Variants in COL13A1 observed in about 807,000 individuals in gnomAD.
The protein encoded by COL13A1 is collagen alpha-1(XIII) chain.
COL13A1 carries 89 observed loss-of-function variants against 130.9 expected under a neutral mutation model. That is an observed-to-expected ratio of 0.68 (90% CI 0.57 to 0.81). COL13A1 has a LOEUF of 0.81. Among genes scored for constraint, COL13A1 ranks in the 30% least tolerant of loss-of-function variants. COL13A1 has a pLI of 0.00. For synonymous variants in COL13A1, 402 were observed against 341.6 expected (o/e 1.18, Z -1.95); for missense variants, 879 against 934.6 (o/e 0.94, Z 0.78).
In COL13A1 at chr10:69,922,778, G is replaced by T; in HGVS notation, c.1214G>T (p.Gly405Val). The change falls in exon 23 of 41, where the codon GGG (glycine) becomes GTG (valine). Residue 405 changes from glycine to valine, a missense_variant. By Grantham distance (109) the Gly-to-Val change is moderately radical (BLOSUM62 -3). Around this residue, in one of 3 missense-constraint regions of COL13A1, gnomAD observed 715 missense variants for 721.0 expected, o/e 0.99. Transcript: ENST00000645393. Reference protein sequence around the residue: ...RGEPGPPGLPGPPGPKGEAGV... With the variant: ...RGEPGPPGLPVPPGPKGEAGV... Reference sequence around the variant, plus strand: ...GAACCTGGCCCTCCAGGGCTCCCTGGGCCCCCAGGGCCAAAGGTGAGTGTT... The same window carrying T: ...GAACCTGGCCCTCCAGGGCTCCCTGTGCCCCCAGGGCCAAAGGTGAGTGTT... 6.3e-7 allele frequency: 1 copy of T among 1,591,108 alleles called. No homozygotes were observed. Among genetic ancestry groups the T allele is most frequent in the East Asian group, 2.3e-5 (1 of 44,102 alleles).
At chr10:69,811,407 T>C (rs1434514155) in intron 1 of COL13A1, among the ~76,000 whole-genome samples, 1 of 152,182 alleles carries the variant, frequency 6.6e-6, no homozygotes, top group Non-Finnish European at 1.5e-5. Flanking sequence ...TAAGGTGGCC[T>C]GTAGGGCAGG....
chr10:69,902,937 C>T, intron 15 of COL13A1, 82 bp downstream of exon 15: 1 of 1,137,754 alleles, frequency 8.8e-7, no homozygotes, highest in Non-Finnish European at 1.2e-6. Context: ...GGCAGTGGGT[C>T]CCCTACAAAA....
chr10:69,919,171 T>G, intron 20 of COL13A1, 83 bp downstream of exon 20: 12 of 1,579,400 alleles, frequency 7.6e-6, no homozygotes, highest in Middle Eastern at 1.8e-4. Context: ...TGTTTTGCTC[T>G]TGGTCCCCCT....
At chr10:69,842,215 T>C (rs188295461) in intron 2 of COL13A1, among the ~76,000 whole-genome samples, 39 of 152,336 alleles carry the variant, frequency 2.6e-4, no homozygotes, top group Admixed American at 4.6e-4. Context: ...GAAGCTTTCA[T>C]AAGGGGAAAC....
chr10:69,908,502 G>A (rs1197470994), intron 17 of COL13A1, among the ~76,000 whole-genome samples: 3 of 152,170 alleles, frequency 2.0e-5, no homozygotes, highest in Non-Finnish European at 4.4e-5. Flanking sequence ...GGGTCTCCAG[G>A]CATCACGGCG....
At chr10:69,879,234 C>A (rs898608209) in intron 6 of COL13A1, among the ~76,000 whole-genome samples, 1 of 152,184 alleles carries the variant, frequency 6.6e-6, no homozygotes, top group Admixed American at 6.5e-5. Flanking sequence ...GCTATTCTGT[C>A]CTCATATTGG....
chr10:69,922,630 C>T, intron 22 of COL13A1, 78 bp from the exon 23 acceptor site: 7 of 1,024,152 alleles, frequency 6.8e-6, no homozygotes, highest in South Asian at 1.9e-5. Context: ...CTGGGGCCCA[C>T]ACCCCATAGT....
At chr10:69,841,872 G>A (rs767019160) in intron 2 of COL13A1, among the ~76,000 whole-genome samples, 11 of 152,180 alleles carry the variant, frequency 7.2e-5, no homozygotes, top group Non-Finnish European at 1.6e-4. Flanking sequence ...GTGTGGCCTG[G>A]GCAGGGAGCT....
At chr10:69,867,690 A>G in intron 2 of COL13A1, 108 bp from the exon 3 acceptor site, 1 of 683,668 alleles carries the variant, frequency 1.5e-6, no homozygotes, top group Middle Eastern at 2.4e-4. Flanking sequence ...CGAAGACCAG[A>G]TGGAAACCCC....
intron 17 of COL13A1, among the ~76,000 whole-genome samples, chr10:69,906,352 T>C (rs2062751537): frequency 6.6e-6 from 1 of 152,186 alleles, no homozygotes; most frequent in Non-Finnish European, 1.5e-5. Flanking sequence ...TAATCTCACC[T>C]GGGCTCACTC....
Position 69,802,286 on chromosome 10 carries a change from G to A in COL13A1, c.-138G>A. The A allele has an allele frequency of 9.5e-7, 1 of 1,051,108 alleles. No homozygotes were observed. The highest frequency in any genetic ancestry group is 1.3e-6 in the Non-Finnish European group (1 of 793,186). 65.1% of individuals were successfully genotyped at this position (1,051,108 alleles called of 1,614,324 possible). A position where few individuals can be genotyped will look rare whatever the true frequency, so the allele number is the denominator to read the frequency against. ...TGCTAATTTTTCCGTCCTCTTTGCC[G>A]GGAGCAGCGGAAAGGGACGTTTTCC... On this transcript the variant is annotated 5_prime_UTR_variant, in exon 1 of 41. Transcript: ENST00000645393.
intron 21 of COL13A1, among the ~76,000 whole-genome samples, chr10:69,920,647 A>T (rs2064531446): frequency 6.6e-6 from 1 of 152,220 alleles, no homozygotes; most frequent in Admixed American, 6.5e-5. Flanking sequence ...AAGCTGTCAT[A>T]TTCAAGGCAG....
chr10:69,939,968 G>A (rs1337215318), intron 34 of COL13A1, among the ~76,000 whole-genome samples: 1 of 152,184 alleles, frequency 6.6e-6, no homozygotes, highest in African/African-American at 2.4e-5. Context: ...TTCTGAGGCT[G>A]AGGCTCAGTT....
intron 30 of COL13A1, chr10:69,931,110 C>T (rs999778809): frequency 4.4e-6 from 2 of 455,026 alleles, no homozygotes; most frequent in African/African-American, 2.0e-5. Flanking sequence ...TGGTCACACT[C>T]AGCAAGACCA....
chr10:69,929,972 C>T, intron 28 of COL13A1, 71 bp from the exon 29 acceptor site: 2 of 1,332,086 alleles, frequency 1.5e-6, no homozygotes, highest in African/African-American at 1.4e-5. Context: ...GCCGGGTGCA[C>T]TAAGCAATGC....
At chr10:69,858,134 A>AAAAAAAAAAAAAAAG in intron 2 of COL13A1, among the ~76,000 whole-genome samples, 1 of 151,142 alleles carries the variant, frequency 6.6e-6, no homozygotes, top group African/African-American at 2.4e-5. Flanking sequence ...AAAAAAAAAA[A>AAAAAAAAAAAAAAAG]AGATTGGTGC....
intron 38 of COL13A1, among the ~76,000 whole-genome samples, chr10:69,949,950 G>GTGTGTGTGTGTGTGCA (rs1491413744): frequency 8.7e-4 from 93 of 107,494 alleles, no homozygotes; most frequent in African/African-American, 1.2e-3. Flanking sequence ...GTGTGTGTGC[G>GTGTGTGTGTGTGTGCA]TGTGTTTGTG....
chr10:69,930,268 C>G, intron 29 of COL13A1, 132 bp from the exon 30 acceptor site: 2 of 1,083,046 alleles, frequency 1.8e-6, no homozygotes, highest in South Asian at 3.3e-5. Flanking sequence ...CAGGCAGACC[C>G]AGGCTGGGCT....
At chr10:69,845,119 G>GCCT (rs914933255) in intron 2 of COL13A1, among the ~76,000 whole-genome samples, 1 of 152,028 alleles carries the variant, frequency 6.6e-6, no homozygotes. Flanking sequence ...CCCTCAAGAT[G>GCCT]CCTCCAAGAC....
Sources: gnomAD v4.1 joint callset for allele counts (sites outside exome capture counted in the v4.1 genomes callset) on GRCh38, gnomAD v4.1.1 for gene constraint, gnomAD v4.1.1 regional missense constraint, MANE v1.5 for transcripts, NCBI Gene and HGNC (gene_info 2026-07-23, HGNC 2026-07-21) for gene names.